TNS1: variants seen among roughly 807,000 people sequenced by gnomAD.
The protein encoded by TNS1 is tensin 1, also known as tensin-1.
In TNS1, 62 loss-of-function variants were observed where a neutral mutation model predicts 168.6. The ratio of observed to expected loss-of-function variants is 0.37; its 90% CI spans 0.30 to 0.45. The LOEUF is 0.45. Among genes scored for constraint, TNS1 ranks in the 20% least tolerant of loss-of-function variants. The probability of loss-of-function intolerance (pLI) is 1.00; values close to 1 mark genes in which losing one functional copy is unlikely to be tolerated. For missense variants in TNS1, 2,240 were observed against 2,339.4 expected (o/e 0.96, Z 0.88); for synonymous variants, 934 against 933.2 (o/e 1.00, Z -0.02).
At chr2:217,843,059 A>G (rs1946189965) in intron 19 of TNS1, among the ~76,000 whole-genome samples, 1 of 152,004 alleles carries the variant, frequency 6.6e-6, no homozygotes, top group African/African-American at 2.4e-5. Flanking sequence ...GGCAAGCAGC[A>G]CCCATTAGAA....
At chr2:217,900,431 T>A in intron 7 of TNS1, 32 bp downstream of exon 7, 2 of 1,533,276 alleles carry the variant, frequency 1.3e-6, no homozygotes, top group Non-Finnish European at 1.7e-6. Flanking sequence ...CTGCTTGCAC[T>A]CCCGCCCCCT....
rs1284599556 is a variant in TNS1, at chr2:217,995,887, A to G, written c.34-4831T>C. Among the ~76,000 whole-genome samples, 2 of 152,114 alleles carry G rather than the reference A, an allele frequency of 1.3e-5. No homozygotes were observed. The highest frequency in any genetic ancestry group is 2.4e-5 in the African/African-American group (1 of 41,420). On this transcript the variant is annotated intron_variant, in intron 1 of 32. Transcript: ENST00000682258. The surrounding 1 kb of genome is among the most constrained non-coding windows in gnomAD (Gnocchi z 4.1). ...GAGCTCTAGCCCCCACCCTGCCACC[A>G]GCCCACCCAGCATCAGAGGGCTTTC...
chr2:217,849,996 C>A, intron 18 of TNS1: 1 of 985,396 alleles, frequency 1.0e-6, no homozygotes, highest in Non-Finnish European at 1.2e-6. Context: ...GTCATTCATG[C>A]TGCCCACTGC....
rs1435318286 is a variant in TNS1, at chr2:217,821,783, G to A, written c.3529C>T (p.Pro1177Ser). The change falls in exon 23 of 33, where the codon CCC becomes TCC. Residue 1177 changes from proline (P) to serine (S), a missense_variant. Physicochemically the swap from Pro to Ser is moderately conservative, Grantham distance 74 (BLOSUM62 -1). Coordinates refer to ENST00000682258, the MANE Select transcript of TNS1 (RefSeq NM_001387777.1). ...NGTLGGSFVS[P>S]SPLSTSSPIL... ...GGGCTGCTGGTGGAGAGGGGGCTGG[G>A]GGAGACAAAGGAGCCACCCAGGGTC... The A allele has an allele frequency of 3.3e-6, 5 of 1,526,742 alleles. No homozygotes were observed. The South Asian group carries it at 3.9e-5, about 12-fold the overall frequency. 94.6% of individuals were successfully genotyped at this position (1,526,742 alleles called of 1,614,324 possible). A position where few individuals can be genotyped will look rare whatever the true frequency, so the allele number is the denominator to read the frequency against.
rs1957959978 is a variant in TNS1, at chr2:217,978,821, C to G, written c.149-19G>C. 4.3e-6 allele frequency: 3 copies of G among 702,180 alleles called. No homozygotes were observed. The highest frequency in any genetic ancestry group is 7.8e-6 in the Non-Finnish European group (3 of 384,562). The allele number at this position is 702,180 out of a possible 1,614,324, so 43.5% of individuals were successfully genotyped here. ...CTGCAGACTGCAAGAGGGCGAGACA[C>G]AGAAAGAAAGTTTTAGCCGCGAGGT... On this transcript the variant is annotated intron_variant, in intron 2 of 32. Coordinates refer to ENST00000682258, the MANE Select transcript of TNS1 (RefSeq NM_001387777.1).
intron 3 of TNS1, 97 bp from the exon 4 acceptor site, chr2:217,920,333 C>T: frequency 1.4e-6 from 1 of 695,790 alleles, no homozygotes; most frequent in Non-Finnish European, 2.6e-6. Context: ...CTGCTTCATT[C>T]CCTCACACGG....
intron 1 of TNS1, among the ~76,000 whole-genome samples, chr2:218,023,946 A>T (rs1350133325): frequency 6.6e-6 from 1 of 152,204 alleles, no homozygotes; most frequent in African/African-American, 2.4e-5. Context: ...AGAGAGTGAC[A>T]AAAGAGGGCA....
intron 18 of TNS1, among the ~76,000 whole-genome samples, chr2:217,856,856 A>C (rs1948196740): frequency 6.6e-6 from 1 of 152,124 alleles, no homozygotes; most frequent in African/African-American, 2.4e-5. Flanking sequence ...ACAGGAGAGA[A>C]CAAGATTTTT....
At chr2:217,894,066 C>T (rs1952022610) in intron 9 of TNS1, among the ~76,000 whole-genome samples, 1 of 152,176 alleles carries the variant, frequency 6.6e-6, no homozygotes, top group Admixed American at 6.5e-5. Context: ...TCACACAAAC[C>T]ATCCACTTTC....
At chr2:217,894,207 C>A (rs1421256625) in intron 9 of TNS1, among the ~76,000 whole-genome samples, 1 of 152,172 alleles carries the variant, frequency 6.6e-6, no homozygotes. Context: ...ATAGAGCACA[C>A]CTAATCCAGC....
chr2:218,010,905 G>A (rs1182565440), upstream of TNS1, among the ~76,000 whole-genome samples: 1 of 152,152 alleles, frequency 6.6e-6, no homozygotes, highest in East Asian at 1.9e-4. Context: ...TGCACAATCT[G>A]GACCAGCTGT....
chr2:217,919,334 G>T (rs977630279), intron 4 of TNS1, among the ~76,000 whole-genome samples: 4 of 152,172 alleles, frequency 2.6e-5, no homozygotes, highest in Non-Finnish European at 5.9e-5. Flanking sequence ...GCCACGCCCC[G>T]CCCCAGGCTC....
At chr2:217,815,545 C>T (rs1457588106) in intron 24 of TNS1, among the ~76,000 whole-genome samples, 1 of 152,202 alleles carries the variant, frequency 6.6e-6, no homozygotes, top group Non-Finnish European at 1.5e-5. Flanking sequence ...TCGGCCTCCT[C>T]ATCCATCCCC....
rs187823880 is a variant in TNS1 at position 217,881,044 on chromosome 2, C to T, written c.1313-30G>A. 3.1e-4 allele frequency: 462 copies of T among 1,504,940 alleles called. 5 individuals are homozygous for T. In the Middle Eastern group the frequency reaches 0.011, roughly 36 times the overall value. 93.2% of individuals were successfully genotyped at this position (1,504,940 alleles called of 1,614,324 possible). A position where few individuals can be genotyped will look rare whatever the true frequency, so the allele number is the denominator to read the frequency against. ...GTGGGATGGGAAAGGCAGCGGCAGT[C>T]GGGGAGACAGTGCAGAGAGGGAAAA... On this transcript the variant is annotated intron_variant, in intron 17 of 32. Transcript: ENST00000682258.
At chr2:217,885,245 C>T in intron 15 of TNS1, 81 bp from the exon 16 acceptor site, 1 of 1,580,872 alleles carries the variant, frequency 6.3e-7, no homozygotes, top group South Asian at 1.1e-5. Flanking sequence ...ATCAGCTCCG[C>T]TGACTGAGCC....
Position 217,893,398 on chromosome 2 carries a change from G to GTGCA in TNS1, c.717+40_717+41insTGCA, listed in dbSNP as rs1553602132. On this transcript the variant is annotated intron_variant, in intron 10 of 32. Coordinates refer to ENST00000682258, the MANE Select transcript of TNS1 (RefSeq NM_001387777.1). ...CACACACATGTGCGCATGTGCGCGC[G>GTGCA]CGCACACACACACACACACACACAC... is the stretch of plus-strand genomic sequence containing the variant. 14 of 1,495,264 alleles carry GTGCA rather than the reference G, an allele frequency of 9.4e-6. No individual in the cohort carries two copies. The Admixed American group carries it at 2.4e-4, about 26-fold the overall frequency. 92.6% of individuals were successfully genotyped at this position (1,495,264 alleles called of 1,614,324 possible).
At chr2:217,835,210 G>A (rs1945001359) in intron 20 of TNS1, 44 bp from the exon 21 acceptor site, 1 of 1,570,108 alleles carries the variant, frequency 6.4e-7, no homozygotes, top group South Asian at 1.2e-5. Context: ...ACCATGAGAA[G>A]GAGAGATTTC....
chr2:217,866,059 A>G lies in TNS1; in HGVS notation c.1429+14839T>C, dbSNP rs1350745387. Among the ~76,000 whole-genome samples, 4 of 152,244 alleles carry G rather than the reference A, an allele frequency of 2.6e-5. 1 individual carries two copies. The East Asian group carries it at 7.7e-4, about 29-fold the overall frequency. ...CCTGTTCCTGTTACTCAGATCCCCC[A>G]AAGGCAAGAGGGTTCTCCTGAATGT... is the stretch of plus-strand genomic sequence containing the variant. On this transcript the variant is annotated intron_variant, in intron 18 of 32. Coordinates refer to ENST00000682258, the MANE Select transcript of TNS1 (RefSeq NM_001387777.1).
At chr2:217,911,908 A>G (rs1378186957) in intron 4 of TNS1, among the ~76,000 whole-genome samples, 2 of 152,250 alleles carry the variant, frequency 1.3e-5, no homozygotes, top group Admixed American at 1.3e-4. Flanking sequence ...CTTCTTAACC[A>G]TACTTCCACA....
Sources: allele counts gnomAD v4.1 joint callset (sites outside exome capture counted in the v4.1 genomes callset), GRCh38; gene constraint gnomAD v4.1.1; non-coding constraint Gnocchi (gnomAD v3.1); transcripts MANE v1.5; gene names NCBI Gene and HGNC (gene_info 2026-07-23, HGNC 2026-07-21).